LPP: variants seen among roughly 807,000 people sequenced by gnomAD.
LPP encodes the protein lipoma-preferred partner.
Under a neutral mutation model 60.4 loss-of-function variants are expected in LPP, and 38 were observed. The observed-to-expected ratio is 0.63, with a 90% CI of 0.49 to 0.83. LPP has a LOEUF of 0.83. LPP is among the 40% of genes least tolerant of loss of function. The pLI is 0.00. For missense variants in LPP, 902 were observed against 783.6 expected, an observed-to-expected ratio of 1.15 and a Z score of -1.80; for synonymous variants, 328 against 290.8, an observed-to-expected ratio of 1.13 and a Z score of -1.30.
At chr3:188,167,715 G>A (rs1473890583) in intron 1 of LPP, among the ~76,000 whole-genome samples, 7 of 151,020 alleles carry the variant, frequency 4.6e-5, no homozygotes, top group Admixed American at 3.3e-4. Context: ...GGCTAAATAT[G>A]TTTTAAGTTC....
Position 188,877,846 on chromosome 3 carries a change from CT to C in LPP, c.*3372del. 9.3e-6 allele frequency: 2 copies of C among 215,450 alleles called. No homozygotes were observed. Among genetic ancestry groups the C allele is most frequent in the African/African-American group, 2.2e-5 (1 of 44,494 alleles). The allele number at this position is 215,450 out of a possible 1,614,324, so 13.3% of individuals were successfully genotyped here. A position where few individuals can be genotyped will look rare whatever the true frequency, so the allele number is the denominator to read the frequency against. ...TCTCTGCAGCTCAAAGATGTGGGTT[CT>C]TTTTCTTGTCATTAACACATTGTTA... On this transcript the variant is annotated 3_prime_UTR_variant, in exon 12 of 12. Coordinates refer to ENST00000617246, the MANE Select transcript of LPP (RefSeq NM_001375462.1).
At chr3:188,493,274 A>T (rs1295309271) in intron 5 of LPP, among the ~76,000 whole-genome samples, 1 of 152,174 alleles carries the variant, frequency 6.6e-6, no homozygotes, top group Admixed American at 6.6e-5. Flanking sequence ...TTTAGTATTC[A>T]GTGCAGCAGA....
chr3:188,167,295 C>T (rs750404651), intron 1 of LPP, among the ~76,000 whole-genome samples: 1 of 152,070 alleles, frequency 6.6e-6, no homozygotes, highest in Admixed American at 6.5e-5. Flanking sequence ...GTCAGGAGCT[C>T]GAGACCAACC....
intron 2 of LPP, among the ~76,000 whole-genome samples, chr3:188,291,221 T>TGTGC (rs1209696850): frequency 6.6e-6 from 1 of 152,202 alleles, no homozygotes; most frequent in Non-Finnish European, 1.5e-5. Flanking sequence ...TGTGTGTATG[T>TGTGC]GTGCGTGTGT....
rs142665653 is a variant in LPP, at chr3:188,756,497, G to T, written c.1241-3616G>T. ...GCTGAGATACTTGTCTAAAAGATGGGCCTTAAGATTGTGGTGTGCTTTTAA... is the reference window on the plus strand; with the variant it reads ...GCTGAGATACTTGTCTAAAAGATGGTCCTTAAGATTGTGGTGTGCTTTTAA... On this transcript the variant is annotated intron_variant, in intron 8 of 11. Coordinates refer to ENST00000617246, the MANE Select transcript of LPP (RefSeq NM_001375462.1). Among the ~76,000 whole-genome samples, 1,255 of 152,264 alleles carry T rather than the reference G, an allele frequency of 8.2e-3. 26 individuals are homozygous for T. The highest frequency in any genetic ancestry group is 0.029 in the African/African-American group (1,209 of 41,552).
At chr3:188,177,206 C>T (rs562903284) in intron 1 of LPP, among the ~76,000 whole-genome samples, 49 of 152,272 alleles carry the variant, frequency 3.2e-4, no homozygotes, top group Middle Eastern at 3.4e-3. Context: ...GCCAGCCCAG[C>T]GAGGGGATCG....
At chr3:188,347,768 G>A (rs972730486) in intron 3 of LPP, among the ~76,000 whole-genome samples, 3 of 152,196 alleles carry the variant, frequency 2.0e-5, no homozygotes, top group East Asian at 3.8e-4. Context: ...TGAGTGTGTG[G>A]GGGGGCCAGA....
chr3:188,715,376 CAAAAAAAAAAAAAAA>C (rs35761284), intron 8 of LPP, among the ~76,000 whole-genome samples: 9 of 63,682 alleles, frequency 1.4e-4, no homozygotes, highest in East Asian at 1.2e-3. Context: ...GACTCCGTCT[CAAAAAAAAAAAAAAA>C]AAAAAAAAAA....
In LPP at chr3:188,872,696, G is replaced by A. The variant is rs756359135; in HGVS notation, c.1643G>A (p.Gly548Asp). ...AAGGAGCCTATTATGCCAGCCCCGG[G>A]CCAGGAGGAGACTGTCCGTATTGTG... The part of the protein sequence containing the change: ...VCKEPIMPAP[G>D]QEETVRIVAL... The change falls in exon 11 of 12, where the codon GGC becomes GAC. Residue 548 changes from glycine (G) to aspartate (D), a missense_variant. Physicochemically the swap from Gly to Asp is moderately conservative, Grantham distance 94. Transcript: ENST00000617246. The A allele has an allele frequency of 3.1e-6, 5 of 1,614,040 alleles. No individual in the cohort carries two copies. Among genetic ancestry groups the A allele is most frequent in the East Asian group, 2.2e-5 (1 of 44,886 alleles).
chr3:188,454,092 A>C (rs1271857628), intron 4 of LPP, among the ~76,000 whole-genome samples: 1 of 152,238 alleles, frequency 6.6e-6, no homozygotes, highest in African/African-American at 2.4e-5. Context: ...AAATTTCTGC[A>C]AGGCAGGTAC....
At chr3:188,671,116 C>A (rs571371586) in intron 7 of LPP, among the ~76,000 whole-genome samples, 2 of 152,316 alleles carry the variant, frequency 1.3e-5, no homozygotes, top group African/African-American at 4.8e-5. Context: ...TCAAGTACTA[C>A]GCAGCTGAAA....
chr3:188,174,185 T>C (rs1162033183), intron 1 of LPP, among the ~76,000 whole-genome samples: 1 of 152,204 alleles, frequency 6.6e-6, no homozygotes, highest in Non-Finnish European at 1.5e-5. Context: ...GAGTTATTCA[T>C]GAGGAAATCT....
Position 188,267,567 on chromosome 3 carries a change from A to G in LPP, c.-67+42040A>G, listed in dbSNP as rs1736026107. Among the ~76,000 whole-genome samples, 4 of 152,214 alleles carry G rather than the reference A, an allele frequency of 2.6e-5. No homozygotes were observed. The South Asian group carries it at 8.3e-4, about 32-fold the overall frequency. On this transcript the variant is annotated intron_variant, in intron 2 of 11. Coordinates refer to ENST00000617246, the MANE Select transcript of LPP (RefSeq NM_001375462.1). ...GCCAGGGCCGAGTTATCTCCCCAGAAGAGCTCTGTGCCTCTGTGGACCCAC... is the reference window on the plus strand; with the variant it reads ...GCCAGGGCCGAGTTATCTCCCCAGAGGAGCTCTGTGCCTCTGTGGACCCAC...
chr3:188,688,225 G>A (rs1188692464), intron 7 of LPP, among the ~76,000 whole-genome samples: 1 of 152,180 alleles, frequency 6.6e-6, no homozygotes, highest in East Asian at 1.9e-4. Context: ...AAAGAAAAAT[G>A]TTTTGTTATG....
In LPP at chr3:188,543,807, A is replaced by T. The variant is rs140384335; in HGVS notation, c.429+19020A>T. On this transcript the variant is annotated intron_variant, in intron 6 of 11. Transcript: ENST00000617246. The stretch of plus-strand genomic sequence containing the variant: ...GACTAGGATTAGCCCACACTAAGAA[A>T]GATGGCATTGTAAAAGAATGTGAAG... 1.2e-3 allele frequency among the ~76,000 whole-genome samples: 186 copies of T among 152,350 alleles called. No individual in the cohort carries two copies. In the East Asian group the frequency reaches 0.015, roughly 12 times the overall value.
At chr3:188,258,739 G>A (rs752803202) in intron 2 of LPP, among the ~76,000 whole-genome samples, 2 of 152,192 alleles carry the variant, frequency 1.3e-5, no homozygotes, top group African/African-American at 2.4e-5. Flanking sequence ...GACGATCACC[G>A]CATTAGGGGG....
intron 9 of LPP, among the ~76,000 whole-genome samples, chr3:188,780,033 G>A (rs1159449297): frequency 6.6e-6 from 1 of 152,094 alleles, no homozygotes; most frequent in African/African-American, 2.4e-5. Flanking sequence ...TTGGATGACT[G>A]GAATGTAAGG....
At chr3:188,701,535 T>A (rs555491605) in intron 7 of LPP, among the ~76,000 whole-genome samples, 14 of 152,230 alleles carry the variant, frequency 9.2e-5, no homozygotes, top group Non-Finnish European at 1.9e-4. Flanking sequence ...TATCTCCATG[T>A]GGTAGTTCAG....
At chr3:188,382,871 G>C (rs999805579) in intron 3 of LPP, among the ~76,000 whole-genome samples, 1 of 152,056 alleles carries the variant, frequency 6.6e-6, no homozygotes, top group African/African-American at 2.4e-5. Flanking sequence ...TGTAACCTGT[G>C]ACCTCCTCCC....
Sources: allele counts gnomAD v4.1 joint callset (sites outside exome capture counted in the v4.1 genomes callset), GRCh38; gene constraint gnomAD v4.1.1; transcripts MANE v1.5; gene names NCBI Gene and HGNC (gene_info 2026-07-23, HGNC 2026-07-21).